The following TRIM23 variants were observed in gnomAD, a reference collection of about 807,000 sequenced individuals.
TRIM23 encodes the protein E3 ubiquitin-protein ligase TRIM23.
In TRIM23, 27 loss-of-function variants were observed where a neutral mutation model predicts 71.0. That is an observed-to-expected ratio of 0.38 (90% CI 0.28 to 0.52). TRIM23 has a LOEUF of 0.52. Among genes scored for constraint, TRIM23 ranks in the 20% least tolerant of loss-of-function variants. The pLI, the probability that TRIM23 is intolerant of heterozygous loss-of-function variation, is 0.84. For missense variants in TRIM23, 482 were observed against 692.3 expected (o/e 0.70, Z 3.41); for synonymous variants, 234 against 238.0 (o/e 0.98, Z 0.16).
intron 9 of TRIM23, among the ~76,000 whole-genome samples, chr5:65,594,961 TCTACCTATGGATG>T (rs1161411242): frequency 1.3e-5 from 2 of 152,236 alleles, no homozygotes; most frequent in African/African-American, 2.4e-5. Flanking sequence ...CTCATGATCC[TCTACCTATGGATG>T]CTACTTGTTC....
intron 10 of TRIM23, among the ~76,000 whole-genome samples, chr5:65,592,618 T>C (rs1754075429): frequency 6.6e-6 from 1 of 151,910 alleles, no homozygotes; most frequent in Non-Finnish European, 1.5e-5. Flanking sequence ...TATTGAAGAG[T>C]TCACTACATT....
At chr5:65,624,169 G>T in intron 1 of TRIM23, 25 bp downstream of exon 1, 1 of 1,614,018 alleles carries the variant, frequency 6.2e-7, no homozygotes, top group South Asian at 1.1e-5. Flanking sequence ...CGATGGTGGA[G>T]AATAGAGCAC....
intron 2 of TRIM23, among the ~76,000 whole-genome samples, chr5:65,614,774 T>G (rs1384169853): frequency 6.6e-6 from 1 of 151,040 alleles, no homozygotes; most frequent in African/African-American, 2.4e-5. Flanking sequence ...ATAAAAAAAA[T>G]TATGGTGGTA....
At chr5:65,610,625 T>TA (rs1406798026) in intron 5 of TRIM23, among the ~76,000 whole-genome samples, 8 of 152,212 alleles carry the variant, frequency 5.3e-5, no homozygotes, top group African/African-American at 1.9e-4. Context: ...TAAATCATTG[T>TA]CCCTGTTTTG....
In TRIM23 at chr5:65,598,113, T is replaced by C. The variant is rs78289558; in HGVS notation, c.1180-933A>G. On this transcript the variant is annotated intron_variant, in intron 7 of 10. Coordinates refer to ENST00000231524, the MANE Select transcript of TRIM23 (RefSeq NM_001656.4). ...TAATCCAGCTCTTAAATGTTGGTAT[T>C]CTTGAGGGTCTATATGAGGCCTCCT... 2.4e-3 allele frequency among the ~76,000 whole-genome samples: 371 copies of C among 152,298 alleles called. 5 individuals carry two copies. Among genetic ancestry groups the C allele is most frequent in the African/African-American group, 8.8e-3 (366 of 41,566 alleles).
rs183720171 is a variant in TRIM23, at chr5:65,619,858, G to A, written c.82-1603C>T. Among the ~76,000 whole-genome samples, 895 of 152,262 alleles carry A rather than the reference G, an allele frequency of 5.9e-3. 4 individuals carry two copies. Among genetic ancestry groups the A allele is most frequent in the Non-Finnish European group, 9.9e-3 (674 of 68,006 alleles). On this transcript the variant is annotated intron_variant, in intron 1 of 10. Coordinates refer to ENST00000231524, the MANE Select transcript of TRIM23 (RefSeq NM_001656.4). ...ACACTTTGGGAGGCCGAGGCGAGTG[G>A]ATCATCTGAGGTCAGGAGTTCGAGA...
At chr5:65,601,795 A>G (rs1161661356) in intron 7 of TRIM23, among the ~76,000 whole-genome samples, 1 of 152,068 alleles carries the variant, frequency 6.6e-6, no homozygotes, top group African/African-American at 2.4e-5. Context: ...TCAACACCAC[A>G]TGGAAGCTGC....
intron 9 of TRIM23, among the ~76,000 whole-genome samples, chr5:65,595,681 A>T (rs1172662145): frequency 6.6e-6 from 1 of 152,062 alleles, no homozygotes; most frequent in African/African-American, 2.4e-5. Flanking sequence ...AAATGCAATC[A>T]TGCCACTGTA....
At chr5:65,608,898 G>A (rs1754574193) in intron 6 of TRIM23, among the ~76,000 whole-genome samples, 1 of 151,074 alleles carries the variant, frequency 6.6e-6, no homozygotes, top group Non-Finnish European at 1.5e-5. Context: ...TGAAGGAGAA[G>A]GAAGATTTCC....
rs776146831 is a variant in TRIM23, at chr5:65,590,702, A to AT, written c.*1066dup. On this transcript the variant is annotated 3_prime_UTR_variant, in exon 11 of 11. Coordinates refer to ENST00000231524, the MANE Select transcript of TRIM23 (RefSeq NM_001656.4). ...TTTTGAATTTTTTTTTTCTTTAGAC[A>AT]TTTTTCCTCTAGAGTAACTTTTCAA... 19 of 985,126 alleles carry AT rather than the reference A, an allele frequency of 1.9e-5. No individual in the cohort carries two copies. Among genetic ancestry groups the AT allele is most frequent in the Non-Finnish European group, 2.3e-5 (19 of 829,606 alleles). 61.0% of individuals were successfully genotyped at this position (985,126 alleles called of 1,614,324 possible). A position where few individuals can be genotyped will look rare whatever the true frequency, so the allele number is the denominator to read the frequency against.
At chr5:65,597,320 T>C (rs1015319206) in intron 7 of TRIM23, 140 bp from the exon 8 acceptor site, 2 of 960,668 alleles carry the variant, frequency 2.1e-6, no homozygotes, top group Non-Finnish European at 1.5e-6. Context: ...CTGAGTCTGA[T>C]CTCAAGAAGA....
At chr5:65,593,058 T>C (rs1754088697) in intron 10 of TRIM23, among the ~76,000 whole-genome samples, 1 of 152,224 alleles carries the variant, frequency 6.6e-6, no homozygotes, top group Non-Finnish European at 1.5e-5. Flanking sequence ...CTACCAGATA[T>C]ATAAAGGTAG....
At chr5:65,592,947 C>CAT (rs980309327) in intron 10 of TRIM23, among the ~76,000 whole-genome samples, 3 of 151,978 alleles carry the variant, frequency 2.0e-5, no homozygotes, top group African/African-American at 7.3e-5. Flanking sequence ...ATTATAAATC[C>CAT]ATATATATAC....
chr5:65,610,318 T>C (rs1398211811), intron 5 of TRIM23, among the ~76,000 whole-genome samples: 1 of 152,198 alleles, frequency 6.6e-6, no homozygotes, highest in African/African-American at 2.4e-5. Context: ...CAATGGCTCA[T>C]CACTGTCCTT....
chr5:65,611,839 C>G lies in TRIM23; in HGVS notation c.409G>C (p.Val137Leu). 1 of 1,613,986 alleles carries G rather than the reference C, an allele frequency of 6.2e-7. No individual in the cohort carries two copies. ...CDEDEAHLAS[V>L]YCTVCATHLC... is the part of the protein sequence containing the mutation. ...TGAGTTGCACACACAGTGCAATATA[C>G]AGAGGCAAGGTGAGCTTCATCTTCA... The change falls in exon 4 of 11, where the codon GTA becomes CTA. Residue 137 changes from valine to leucine, a missense_variant. This residue lies in a region of TRIM23 where 175 missense variants were observed against 196.5 expected (regional missense o/e 0.89). Transcript: ENST00000231524.
At position 65,590,318 on chromosome 5, in the gene TRIM23, T is replaced by C. The variant is rs1270403904; in HGVS notation, c.*1451A>G. 1 of 1,446,016 alleles carries C rather than the reference T, an allele frequency of 6.9e-7. No individual in the cohort carries two copies. Among genetic ancestry groups the C allele is most frequent in the South Asian group, 1.3e-5 (1 of 77,272 alleles). The allele number at this position is 1,446,016 out of a possible 1,614,324, so 89.6% of individuals were successfully genotyped here. ...GACCTTTTACCTGAAAAATAAAGGA[T>C]GAAATATTACATTTATTTATTTACA... On this transcript the variant is annotated 3_prime_UTR_variant, in exon 11 of 11. Coordinates refer to ENST00000231524, the MANE Select transcript of TRIM23 (RefSeq NM_001656.4).
At chr5:65,612,476 G>A in intron 3 of TRIM23, among the ~76,000 whole-genome samples, 1 of 152,016 alleles carries the variant, frequency 6.6e-6, no homozygotes, top group Non-Finnish European at 1.5e-5. Context: ...AGCTCCACAG[G>A]TGAGTCTATT....
Position 65,589,869 on chromosome 5 carries a change from A to G in TRIM23, c.*1900T>C, listed in dbSNP as rs1353569275. 1 of 153,814 alleles carries G rather than the reference A, an allele frequency of 6.5e-6. No homozygotes were observed. Among genetic ancestry groups the G allele is most frequent in the African/African-American group, 2.4e-5 (1 of 41,496 alleles). 9.5% of individuals were successfully genotyped at this position (153,814 alleles called of 1,614,324 possible). ...GAAATTCAGCTACTAGGAAAATTCTAATATACTGTATATAAAAAAGCTCTC... is the reference window on the plus strand; with the variant it reads ...GAAATTCAGCTACTAGGAAAATTCTGATATACTGTATATAAAAAAGCTCTC... On this transcript the variant is annotated 3_prime_UTR_variant, in exon 11 of 11. Transcript: ENST00000231524.
chr5:65,614,034 A>G (rs1754718635), intron 3 of TRIM23, 64 bp downstream of exon 3: 1 of 1,587,078 alleles, frequency 6.3e-7, no homozygotes, highest in Non-Finnish European at 8.6e-7. Flanking sequence ...TTGTGCTAAT[A>G]ATGGCATCTA....
Sources: allele counts gnomAD v4.1 joint callset (sites outside exome capture counted in the v4.1 genomes callset), GRCh38; gene constraint gnomAD v4.1.1; regional missense constraint gnomAD v4.1.1; transcripts MANE v1.5; gene names NCBI Gene and HGNC (gene_info 2026-07-23, HGNC 2026-07-21).